The following SENP5 variants were observed in gnomAD, a reference collection of about 807,000 sequenced individuals.
SENP5 encodes the protein sentrin-specific protease 5.
SENP5 carries 21 observed loss-of-function variants against 74.2 expected under a neutral mutation model. That is an observed-to-expected ratio of 0.28 (90% confidence interval 0.20 to 0.41). The LOEUF is 0.41. Ranked by LOEUF, SENP5 falls within the 10% of genes least tolerant of loss-of-function variation. The pLI, the probability that SENP5 is intolerant of heterozygous loss-of-function variation, is 1.00. For synonymous variants in SENP5, 311 were observed against 312.7 expected, an observed-to-expected ratio of 0.99 and a Z score of 0.06; for missense variants, 717 against 889.1, an observed-to-expected ratio of 0.81 and a Z score of 2.46.
At chr3:196,878,656 A>G (rs1412866928) in intron 1 of SENP5, among the ~76,000 whole-genome samples, 1 of 152,070 alleles carries the variant, frequency 6.6e-6, no homozygotes, top group African/African-American at 2.4e-5. Flanking sequence ...CGGTGGCATG[A>G]TCTCCGCTCA....
At chr3:196,883,329 GA>G (rs566666645) in intron 1 of SENP5, among the ~76,000 whole-genome samples, 5 of 152,018 alleles carry the variant, frequency 3.3e-5, no homozygotes, top group Non-Finnish European at 7.4e-5. Flanking sequence ...TTTTCTCCGT[GA>G]ATGATCTGTT....
At chr3:196,899,330 T>G (rs1375438982) in intron 2 of SENP5, among the ~76,000 whole-genome samples, 2 of 152,178 alleles carry the variant, frequency 1.3e-5, no homozygotes, top group Admixed American at 6.6e-5. Context: ...TTAAGCCCTT[T>G]AGAAGTCACG....
chr3:196,924,646 C>T (rs898720618), intron 7 of SENP5, among the ~76,000 whole-genome samples: 2 of 152,054 alleles, frequency 1.3e-5, no homozygotes, highest in Non-Finnish European at 2.9e-5. Flanking sequence ...TTGATACAGC[C>T]GCTTGGGGAT....
At chr3:196,923,282 C>T in intron 6 of SENP5, 132 bp from the exon 7 acceptor site, 1 of 862,752 alleles carries the variant, frequency 1.2e-6, no homozygotes, top group African/African-American at 1.7e-5. Context: ...GACCTGGGTT[C>T]AAATTCTGGT....
At position 196,886,719 on chromosome 3, in the gene SENP5, C is replaced by T. The variant is rs368435669; in HGVS notation, c.1513+25C>T. The T allele has an allele frequency of 5.3e-6, 8 of 1,497,240 alleles. No homozygotes were observed. The Admixed American group carries it at 9.2e-5, about 17-fold the overall frequency. 92.7% of individuals were successfully genotyped at this position (1,497,240 alleles called of 1,614,324 possible). ...GGTATGCACTTTTCCTTTATTCTCC[C>T]TCAAACTCCAAGCTCACATTTGCTG... On this transcript the variant is annotated intron_variant, in intron 2 of 9. Coordinates refer to ENST00000323460, the MANE Select transcript of SENP5 (RefSeq NM_152699.5).
At chr3:196,883,059 T>C (rs1384121350) in intron 1 of SENP5, among the ~76,000 whole-genome samples, 1 of 151,996 alleles carries the variant, frequency 6.6e-6, no homozygotes, top group African/African-American at 2.4e-5. Flanking sequence ...TCATATGCAG[T>C]ATATAATTCC....
chr3:196,897,856 T>C (rs1034724633), intron 2 of SENP5, among the ~76,000 whole-genome samples: 41 of 152,150 alleles, frequency 2.7e-4, no homozygotes, highest in African/African-American at 9.2e-4. Flanking sequence ...TTGCCTCAGC[T>C]TTTTTGTATT....
chr3:196,903,292 A>G (rs1356171503), intron 5 of SENP5, among the ~76,000 whole-genome samples: 1 of 152,098 alleles, frequency 6.6e-6, no homozygotes, highest in African/African-American at 2.4e-5. Context: ...GATGGGTGCC[A>G]CCACGCCCGG....
intron 6 of SENP5, among the ~76,000 whole-genome samples, chr3:196,917,743 T>C (rs1715441312): frequency 6.6e-6 from 1 of 152,132 alleles, no homozygotes; most frequent in Non-Finnish European, 1.5e-5. Context: ...AGAAATACTT[T>C]CCCAGACAAA....
chr3:196,914,586 A>AAAAAAAAAAAAAAAAAATATATATAT, intron 6 of SENP5: 1 of 33,500 alleles, frequency 3.0e-5, no homozygotes, highest in Non-Finnish European at 5.1e-5. Flanking sequence ...AAAAAAAAAA[A>AAAAAAAAAAAAAAAAAATATATATAT]ATATATATAT....
At chr3:196,910,987 A>G (rs1454598949) in intron 6 of SENP5, among the ~76,000 whole-genome samples, 1 of 152,194 alleles carries the variant, frequency 6.6e-6, no homozygotes, top group Non-Finnish European at 1.5e-5. Context: ...CCTATTTAAT[A>G]AATGATGCTG....
At chr3:196,882,958 T>C (rs1713793626) in intron 1 of SENP5, among the ~76,000 whole-genome samples, 1 of 150,874 alleles carries the variant, frequency 6.6e-6, no homozygotes, top group Admixed American at 6.6e-5. Flanking sequence ...GGACTAGTTA[T>C]AGTCTCCAGA....
chr3:196,875,636 C>A (rs1376826609), intron 1 of SENP5, among the ~76,000 whole-genome samples: 2 of 152,150 alleles, frequency 1.3e-5, no homozygotes, highest in South Asian at 2.1e-4. Flanking sequence ...ATAATTTCTT[C>A]AGAGAAAAAA....
At chr3:196,898,183 A>AAAAAAAG (rs973173933) in intron 2 of SENP5, among the ~76,000 whole-genome samples, 5 of 151,232 alleles carry the variant, frequency 3.3e-5, no homozygotes, top group East Asian at 1.9e-4. Flanking sequence ...TGTCTTAAAA[A>AAAAAAAG]AAAAGAAAAA....
At chr3:196,898,725 T>G (rs1233502671) in intron 2 of SENP5, among the ~76,000 whole-genome samples, 2 of 152,088 alleles carry the variant, frequency 1.3e-5, no homozygotes, top group African/African-American at 4.8e-5. Context: ...CCACCCTGGC[T>G]AACACGGTGA....
At chr3:196,880,056 C>T (rs1028251911) in intron 1 of SENP5, among the ~76,000 whole-genome samples, 2 of 152,048 alleles carry the variant, frequency 1.3e-5, no homozygotes, top group Admixed American at 6.6e-5. Flanking sequence ...AGTGATTCTC[C>T]TGCCTCAGCC....
At position 196,874,054 on chromosome 3, in the gene SENP5, T is replaced by C. The variant is rs1210337383; in HGVS notation, c.-32+5981T>C. On this transcript the variant is annotated intron_variant, in intron 1 of 9. Coordinates refer to ENST00000323460, the MANE Select transcript of SENP5 (RefSeq NM_152699.5). ...ATTGGCTCACACCTGTAATCTTAGG[T>C]ACTCAGAAGGCTAAGTCAGGAGGAT... 2.0e-5 allele frequency among the ~76,000 whole-genome samples: 3 copies of C among 149,902 alleles called. No homozygotes were observed. The Admixed American group carries it at 2.0e-4, about 10-fold the overall frequency.
intron 1 of SENP5, among the ~76,000 whole-genome samples, chr3:196,868,895 A>ATTTGTTTT (rs1713073335): frequency 5.1e-5 from 1 of 19,692 alleles, no homozygotes; most frequent in Non-Finnish European, 8.8e-5. Flanking sequence ...TTTTTTTTGC[A>ATTTGTTTT]TTTTGCCCGG....
chr3:196,924,958 G>A (rs868791354), intron 7 of SENP5, among the ~76,000 whole-genome samples: 9 of 152,176 alleles, frequency 5.9e-5, no homozygotes, highest in African/African-American at 1.9e-4. Flanking sequence ...ATGGAAAGAT[G>A]TCCAAGGCAT....
Sources: gnomAD v4.1 joint callset for allele counts (sites outside exome capture counted in the v4.1 genomes callset) on GRCh38, gnomAD v4.1.1 for gene constraint, MANE v1.5 for transcripts, NCBI Gene and HGNC (gene_info 2026-07-23, HGNC 2026-07-21) for gene names.